Variants in WDR36 observed in about 807,000 individuals in gnomAD.
The protein encoded by WDR36 is WD repeat domain 36, also known as WD repeat-containing protein 36.
WDR36 carries 63 observed loss-of-function variants against 112.7 expected under a neutral mutation model. That is an observed-to-expected ratio of 0.56 (90% CI 0.46 to 0.69). WDR36 has a LOEUF of 0.69. Among genes scored for constraint, WDR36 ranks in the 30% least tolerant of loss-of-function variants. The pLI is 0.00. For synonymous variants in WDR36, 410 were observed against 362.2 expected (o/e 1.13, Z -1.50); for missense variants, 1,226 against 1,070.3 (o/e 1.15, Z -2.03).
At chr5:111,124,590 T>A (rs1753640490) in intron 21 of WDR36, among the ~76,000 whole-genome samples, 1 of 152,174 alleles carries the variant, frequency 6.6e-6, no homozygotes, top group Admixed American at 6.5e-5. Flanking sequence ...GCTTAGGTGA[T>A]TTCATATATT....
chr5:111,107,297 A>G lies in WDR36; in HGVS notation c.1184A>G (p.Glu395Gly), dbSNP rs748237726. Residue 395 changes from glutamate to glycine, a missense_variant, in exon 12 of 23, where the codon GAA becomes GGA. Physicochemically the swap from Glu to Gly is moderately conservative, Grantham distance 98. Coordinates refer to ENST00000513710, the MANE Select transcript of WDR36 (RefSeq NM_139281.3). The stretch of plus-strand genomic sequence containing the variant: ...TATGATTTTCATTACGTTTTAGAGG[A>G]AGCTCGTGAAAGTGACTGGGATGGT... ...LPPITKFAAE[E>G]ARESDWDGII... 19 of 1,609,442 alleles carry G rather than the reference A, an allele frequency of 1.2e-5. No homozygotes were observed. The highest frequency in any genetic ancestry group is 1.7e-5 in the Admixed American group (1 of 59,568).
At chr5:111,099,352 C>T (rs1753064083) in intron 4 of WDR36, among the ~76,000 whole-genome samples, 1 of 151,834 alleles carries the variant, frequency 6.6e-6, no homozygotes, top group South Asian at 2.1e-4. Context: ...GATATCTACA[C>T]CTTTCCTCAA....
In WDR36 at chr5:111,098,194, C is replaced by T. The variant is rs77630959; in HGVS notation, c.292-528C>T. ...GGGCCAAGGAGAGGAAACAGTGTTA[C>T]TGGAATCTAGTGAGAACTGAAACCA... is the stretch of plus-strand genomic sequence containing the variant. On this transcript the variant is annotated intron_variant, in intron 3 of 22. Coordinates refer to ENST00000513710, the MANE Select transcript of WDR36 (RefSeq NM_139281.3). Among the ~76,000 whole-genome samples the T allele has an allele frequency of 3.2e-3, 488 of 152,216 alleles. 3 individuals carry two copies. The highest frequency in any genetic ancestry group is 0.011 in the African/African-American group (473 of 41,516).
At chr5:111,100,396 A>T (rs1278029373) in intron 4 of WDR36, among the ~76,000 whole-genome samples, 193 bp from the exon 5 acceptor site, 3 of 151,984 alleles carry the variant, frequency 2.0e-5, no homozygotes, top group Non-Finnish European at 4.4e-5. Context: ...AGTCTAAATT[A>T]AATTACATTT....
rs1296392485 is a variant in WDR36, at chr5:111,095,043, G to A, written c.190+96G>A. On this transcript the variant is annotated intron_variant, in intron 2 of 22. Transcript: ENST00000513710. Reference sequence around the variant, plus strand: ...TTACAGAGCATATAAGGAAGCCAAGGTAACATGTATGTCTTATAAACTTAC... The same window carrying A: ...TTACAGAGCATATAAGGAAGCCAAGATAACATGTATGTCTTATAAACTTAC... 4.3e-6 allele frequency: 5 copies of A among 1,151,966 alleles called. No homozygotes were observed. The East Asian group carries it at 1.3e-4, about 29-fold the overall frequency. 71.4% of individuals were successfully genotyped at this position (1,151,966 alleles called of 1,614,324 possible).
At chr5:111,102,010 C>G (rs1753130444) in intron 5 of WDR36, among the ~76,000 whole-genome samples, 3 of 151,464 alleles carry the variant, frequency 2.0e-5, no homozygotes, top group Admixed American at 2.0e-4. Context: ...ATAAGTTATT[C>G]CCTTTCATGA....
rs779499395 is a variant in WDR36, at chr5:111,092,370, A to C, written c.-87A>C. The C allele has an allele frequency of 6.2e-7, 1 of 1,614,224 alleles. No individual in the cohort carries two copies. The highest frequency in any genetic ancestry group is 8.5e-7 in the Non-Finnish European group (1 of 1,180,036). On this transcript the variant is annotated 5_prime_UTR_variant, in exon 1 of 23. Coordinates refer to ENST00000513710, the MANE Select transcript of WDR36 (RefSeq NM_139281.3). ...GGTGTTGTGTCTGCAGCTCTGGCAG[A>C]GGACTGTTCCACTAGACACGCTGAA...
intron 12 of WDR36, among the ~76,000 whole-genome samples, chr5:111,109,827 G>C (rs1274888790): frequency 1.3e-5 from 2 of 151,224 alleles, no homozygotes; most frequent in East Asian, 3.9e-4. Flanking sequence ...CAAAAGGCAA[G>C]ACAAAAAGAA....
intron 13 of WDR36, 150 bp downstream of exon 13, chr5:111,110,453 A>T (rs1183472794): frequency 9.7e-6 from 7 of 720,400 alleles, no homozygotes; most frequent in Non-Finnish European, 1.7e-5. Context: ...CTGCAATTGT[A>T]TCATAAGGAC....
chr5:111,094,504 G>T (rs1301307312), intron 1 of WDR36, among the ~76,000 whole-genome samples: 2 of 152,098 alleles, frequency 1.3e-5, no homozygotes, highest in Non-Finnish European at 2.9e-5. Flanking sequence ...TGGGGGTAGG[G>T]AGAAGGATAT....
chr5:111,118,966 T>G (rs767259273), intron 16 of WDR36, 47 bp from the exon 17 acceptor site: 1 of 1,490,558 alleles, frequency 6.7e-7, no homozygotes, highest in South Asian at 1.1e-5. Context: ...AATTATCTCC[T>G]TTTTGGTAGA....
In WDR36 at chr5:111,100,728, A is replaced by G. The variant is rs1178211679; in HGVS notation, c.542+7A>G. On this transcript the variant is annotated splice_region_variant and intron_variant, in intron 5 of 22. Transcript: ENST00000513710. Reference sequence around the variant, plus strand: ...TGTGGAATGTAAAATCCAAGTAAGTATTTTAGTTAGAAAATAATATAGCTG... The same window carrying G: ...TGTGGAATGTAAAATCCAAGTAAGTGTTTTAGTTAGAAAATAATATAGCTG... 1 of 1,607,086 alleles carries G rather than the reference A, an allele frequency of 6.2e-7. No individual in the cohort carries two copies. The highest frequency in any genetic ancestry group is 8.5e-7 in the Non-Finnish European group (1 of 1,175,470).
Position 111,128,143 on chromosome 5 carries a change from A to C in WDR36, c.*1260A>C. 1 of 191,878 alleles carries C rather than the reference A, an allele frequency of 5.2e-6. No individual in the cohort carries two copies. The highest frequency in any genetic ancestry group is 8.2e-5 in the East Asian group (1 of 12,226). The allele number at this position is 191,878 out of a possible 1,614,324, so 11.9% of individuals were successfully genotyped here. ...TTCTTTAAAGCATAGCGCTCTAAAA[A>C]CTATTCTTAGTTTATACCCTCAAAA... On this transcript the variant is annotated 3_prime_UTR_variant, in exon 23 of 23. Coordinates refer to ENST00000513710, the MANE Select transcript of WDR36 (RefSeq NM_139281.3).
At chr5:111,108,548 C>A (rs1216962799) in intron 12 of WDR36, among the ~76,000 whole-genome samples, 1 of 133,658 alleles carries the variant, frequency 7.5e-6, no homozygotes, top group African/African-American at 4.0e-5. Context: ...TCTTACGCTC[C>A]CGTAGGGACA....
At chr5:111,103,623 TAAA>T (rs1027597553) in intron 6 of WDR36, among the ~76,000 whole-genome samples, 160 bp from the exon 7 acceptor site, 1 of 151,742 alleles carries the variant, frequency 6.6e-6, no homozygotes, top group Non-Finnish European at 1.5e-5. Flanking sequence ...CTATGCTGAA[TAAA>T]AAAGTATGCT....
rs1484299647 is a variant in WDR36, at chr5:111,127,926, T to TTG, written c.*1044_*1045insGT. 436 of 127,942 alleles carry TTG rather than the reference T, an allele frequency of 3.4e-3. No individual in the cohort carries two copies. The highest frequency in any genetic ancestry group is 0.015 in the African/African-American group (353 of 22,840). 7.9% of individuals were successfully genotyped at this position (127,942 alleles called of 1,614,324 possible). A position where few individuals can be genotyped will look rare whatever the true frequency, so the allele number is the denominator to read the frequency against. ...TTTTTTTATTTTGTTTTGTTTTGTT[T>TTG]TTTTTTTTTTTTTTTTGGCTACACT... On this transcript the variant is annotated 3_prime_UTR_variant, in exon 23 of 23. Coordinates refer to ENST00000513710, the MANE Select transcript of WDR36 (RefSeq NM_139281.3).
intron 16 of WDR36, among the ~76,000 whole-genome samples, chr5:111,115,839 G>T (rs914668081): frequency 3.9e-5 from 6 of 151,938 alleles, no homozygotes; most frequent in African/African-American, 1.5e-4. Flanking sequence ...ATTTTCAGAG[G>T]AGCAAAGTTG....
intron 17 of WDR36, 58 bp downstream of exon 17, chr5:111,119,178 T>TA: frequency 1.5e-6 from 2 of 1,376,488 alleles, no homozygotes; most frequent in Non-Finnish European, 2.1e-6. Context: ...GTCAGAGAGT[T>TA]AGAGTTGCTA....
intron 18 of WDR36, among the ~76,000 whole-genome samples, 195 bp downstream of exon 18, chr5:111,120,788 C>T (rs1217536311): frequency 2.6e-5 from 4 of 151,808 alleles, no homozygotes; most frequent in Admixed American, 6.6e-5. Context: ...AATAGTATAC[C>T]ATTGAAGAAG....
Sources: allele counts gnomAD v4.1 joint callset (sites outside exome capture counted in the v4.1 genomes callset), GRCh38; gene constraint gnomAD v4.1.1; transcripts MANE v1.5; gene names NCBI Gene and HGNC (gene_info 2026-07-23, HGNC 2026-07-21).